Variants in FBXO33 observed in about 807,000 individuals in gnomAD.
FBXO33 encodes F-box protein 33.
FBXO33 carries 22 observed loss-of-function variants against 46.3 expected under a neutral mutation model. The ratio of observed to expected loss-of-function variants is 0.48; its 90% CI spans 0.34 to 0.68. The LOEUF is 0.68. Among genes scored for constraint, FBXO33 ranks in the 30% least tolerant of loss-of-function variants. FBXO33 has a pLI of 0.01. For synonymous variants in FBXO33, 337 were observed against 291.3 expected (o/e 1.16, Z -1.60); for missense variants, 692 against 708.8 (o/e 0.98, Z 0.27).
At chr14:39,402,309 A>AAATC in intron 2 of FBXO33, 92 bp downstream of exon 2, 1 of 643,712 alleles carries the variant, frequency 1.6e-6, no homozygotes. Context: ...TTTAGGAAAA[A>AAATC]AATCATTACT....
intron 1 of FBXO33, among the ~76,000 whole-genome samples, chr14:39,424,040 G>A (rs554559691): frequency 1.3e-5 from 2 of 152,292 alleles, no homozygotes; most frequent in East Asian, 3.9e-4. Flanking sequence ...ACTTATAAGT[G>A]AGAACATGCG....
chr14:39,401,442 A>G lies in FBXO33; in HGVS notation c.1130T>C (p.Phe377Ser), dbSNP rs1433310792. 1.2e-6 allele frequency: 2 copies of G among 1,614,044 alleles called. No individual in the cohort carries two copies. The highest frequency in any genetic ancestry group is 1.3e-5 in the African/African-American group (1 of 74,912). ...STSFRVYIMA[F>S]DIKSEDMLKI... ...TAACATATCTTCACTCTTGATATCAAAAGCCATTATATAGACCCGAAAGCT... is the reference window on the plus strand; with the variant it reads ...TAACATATCTTCACTCTTGATATCAGAAGCCATTATATAGACCCGAAAGCT... Residue 377 changes from phenylalanine to serine, a missense_variant, in exon 3 of 4, where the codon TTT becomes TCT. Phe to Ser is a radical substitution (Grantham distance 155). Transcript: ENST00000298097.
At chr14:39,423,304 A>C (rs1342588462) in intron 1 of FBXO33, among the ~76,000 whole-genome samples, 1 of 152,128 alleles carries the variant, frequency 6.6e-6, no homozygotes, top group Non-Finnish European at 1.5e-5. Flanking sequence ...AAAAACTGGA[A>C]CTCATATATA....
At chr14:39,429,068 G>GTA (rs2075530498) in intron 1 of FBXO33, among the ~76,000 whole-genome samples, 1 of 152,114 alleles carries the variant, frequency 6.6e-6, no homozygotes, top group African/African-American at 2.4e-5. Flanking sequence ...GAGAATACAT[G>GTA]TATATATATA....
intron 1 of FBXO33, among the ~76,000 whole-genome samples, chr14:39,416,826 C>T (rs1474504469): frequency 6.6e-6 from 1 of 152,120 alleles, no homozygotes; most frequent in Non-Finnish European, 1.5e-5. Context: ...GTAATTAATA[C>T]ATCCACTTTT....
In FBXO33 at chr14:39,399,438, AATTC is replaced by A. The variant is rs970856439; in HGVS notation, c.*74_*77del. 58 of 1,258,308 alleles carry A rather than the reference AATTC, an allele frequency of 4.6e-5. No homozygotes were observed. The highest frequency in any genetic ancestry group is 2.5e-4 in the Admixed American group (10 of 39,916). The allele number at this position is 1,258,308 out of a possible 1,614,324, so 77.9% of individuals were successfully genotyped here. On this transcript the variant is annotated 3_prime_UTR_variant, in exon 4 of 4. Coordinates refer to ENST00000298097, the MANE Select transcript of FBXO33 (RefSeq NM_203301.4). Reference sequence around the variant, plus strand: ...TGATTAAACACAGCACAAAAGGATTAATTCACACTACTGAAAAAAAAACATAATA... The same window carrying A: ...TGATTAAACACAGCACAAAAGGATTAACACTACTGAAAAAAAAACATAATA...
chr14:39,426,095 G>A (rs8006198), intron 1 of FBXO33, among the ~76,000 whole-genome samples: 143,362 of 152,172 alleles, frequency 0.94, 67,589 homozygotes, highest in East Asian at 0.96. Context: ...ATGAACACTT[G>A]CGGTTGTTAT....
At chr14:39,412,257 A>G (rs2075426871) in intron 1 of FBXO33, among the ~76,000 whole-genome samples, 1 of 152,200 alleles carries the variant, frequency 6.6e-6, no homozygotes, top group Non-Finnish European at 1.5e-5. Flanking sequence ...GGATGCATAT[A>G]TATTTATAAT....
intron 3 of FBXO33, among the ~76,000 whole-genome samples, chr14:39,400,870 G>A (rs756738839): frequency 6.6e-6 from 1 of 152,290 alleles, no homozygotes; most frequent in Non-Finnish European, 1.5e-5. Flanking sequence ...GTGATTAGAG[G>A]AAATATATCT....
At chr14:39,422,428 A>G (rs988271180) in intron 1 of FBXO33, among the ~76,000 whole-genome samples, 7 of 152,214 alleles carry the variant, frequency 4.6e-5, no homozygotes, top group Admixed American at 2.6e-4. Context: ...TTCCCAACAC[A>G]GTAGCCAGAC....
chr14:39,426,097 G>A (rs1451446201), intron 1 of FBXO33, among the ~76,000 whole-genome samples: 2 of 150,476 alleles, frequency 1.3e-5, no homozygotes, highest in South Asian at 2.1e-4. Context: ...GAACACTTGC[G>A]GTTGTTATTT....
chr14:39,431,450 AG>A, intron 1 of FBXO33, 113 bp downstream of exon 1: 1 of 1,537,390 alleles, frequency 6.5e-7, no homozygotes, highest in South Asian at 1.2e-5. Flanking sequence ...TCCGTCACTG[AG>A]GAAGGCAACA....
At chr14:39,412,013 TGAG>T (rs1210401723) in intron 1 of FBXO33, among the ~76,000 whole-genome samples, 9 of 152,308 alleles carry the variant, frequency 5.9e-5, no homozygotes, top group Admixed American at 5.9e-4. Flanking sequence ...CATGTGTGCT[TGAG>T]AAGAATGTGT....
chr14:39,405,758 A>C (rs933614788), intron 1 of FBXO33, among the ~76,000 whole-genome samples: 1 of 151,682 alleles, frequency 6.6e-6, no homozygotes, highest in African/African-American at 2.4e-5. Context: ...ACCCCACATA[A>C]GAAAAATATG....
intron 1 of FBXO33, among the ~76,000 whole-genome samples, chr14:39,421,457 G>A (rs1244100775): frequency 6.6e-6 from 1 of 151,992 alleles, no homozygotes; most frequent in Admixed American, 6.6e-5. Context: ...CTTCCTTTCT[G>A]CTCAGTCCTA....
intron 1 of FBXO33, among the ~76,000 whole-genome samples, chr14:39,418,616 A>G (rs1259753808): frequency 6.6e-6 from 1 of 151,142 alleles, no homozygotes; most frequent in Non-Finnish European, 1.5e-5. Context: ...TCTACTAAAA[A>G]TACAAAAAAT....
Position 39,399,553 on chromosome 14 carries a change from A to C in FBXO33, c.1631T>G (p.Phe544Cys). ...LSVFTEPNRH[F>C]YREMQSFSED... ...ACTGAAGCTTTGCATCTCTCTGTAAAAATGACGATTTGGTTCAGTGAAGAC... is the reference window on the plus strand; with the variant it reads ...ACTGAAGCTTTGCATCTCTCTGTAACAATGACGATTTGGTTCAGTGAAGAC... Residue 544 changes from phenylalanine (F) to cysteine (C), a missense_variant, in exon 4 of 4, where the codon TTT becomes TGT. Phe to Cys is a radical substitution (Grantham distance 205, BLOSUM62 -2). This residue lies in a region of FBXO33 where 94 missense variants were observed against 91.9 expected (regional missense o/e 1.02). Transcript: ENST00000298097. The C allele has an allele frequency of 6.2e-7, 1 of 1,612,786 alleles. No individual in the cohort carries two copies. The highest frequency in any genetic ancestry group is 1.6e-4 in the Middle Eastern group (1 of 6,062).
At position 39,398,097 on chromosome 14, in the gene FBXO33, C is replaced by G. The variant is rs2075351381; in HGVS notation, c.*1419G>C. 1 of 152,674 alleles carries G rather than the reference C, an allele frequency of 6.5e-6. No individual in the cohort carries two copies. The highest frequency in any genetic ancestry group is 1.5e-5 in the Non-Finnish European group (1 of 68,040). 9.5% of individuals were successfully genotyped at this position (152,674 alleles called of 1,614,324 possible). ...CATAAATAGAATCATATCTGGACATCTGTTGCATAAATTGTGTTTCCAAAG... is the reference window on the plus strand; with the variant it reads ...CATAAATAGAATCATATCTGGACATGTGTTGCATAAATTGTGTTTCCAAAG... On this transcript the variant is annotated 3_prime_UTR_variant, in exon 4 of 4. Transcript: ENST00000298097.
intron 1 of FBXO33, among the ~76,000 whole-genome samples, chr14:39,423,719 A>G (rs1452582313): frequency 2.6e-5 from 4 of 152,256 alleles, no homozygotes; most frequent in Non-Finnish European, 5.9e-5. Context: ...GTGTTAAGTC[A>G]GGATAATGGT....
Sources: allele counts gnomAD v4.1 joint callset (sites outside exome capture counted in the v4.1 genomes callset), GRCh38; gene constraint gnomAD v4.1.1; regional missense constraint gnomAD v4.1.1; transcripts MANE v1.5; gene names NCBI Gene and HGNC (gene_info 2026-07-23, HGNC 2026-07-21).